DTNB: variants seen among roughly 807,000 people sequenced by gnomAD.
DTNB encodes DTN-B.
DTNB carries 63 observed loss-of-function variants against 90.7 expected under a neutral mutation model. The ratio of observed to expected loss-of-function variants is 0.69; its 90% CI spans 0.57 to 0.86. The LOEUF is 0.86. Ranked by LOEUF, DTNB falls within the 40% of genes least tolerant of loss-of-function variation. The pLI, the probability that DTNB is intolerant of heterozygous loss-of-function variation, is 0.00. For synonymous variants in DTNB, 277 were observed against 286.7 expected (o/e 0.97, Z 0.34); for missense variants, 744 against 807.1 (o/e 0.92, Z 0.95).
intron 12 of DTNB, among the ~76,000 whole-genome samples, chr2:25,450,280 C>A (rs1001901218): frequency 2.0e-5 from 3 of 149,110 alleles, no homozygotes; most frequent in Non-Finnish European, 4.5e-5. Context: ...GTTGTTCCAA[C>A]AGCATTTGTT....
chr2:25,617,462 C>G (rs1044476429), intron 4 of DTNB, among the ~76,000 whole-genome samples: 1 of 152,112 alleles, frequency 6.6e-6, no homozygotes, highest in African/African-American at 2.4e-5. Context: ...CTTCCCCATT[C>G]AAATCACTTT....
chr2:25,669,242 A>C (rs1367385930), intron 1 of DTNB, among the ~76,000 whole-genome samples: 2 of 152,202 alleles, frequency 1.3e-5, no homozygotes, highest in Non-Finnish European at 2.9e-5. Context: ...AGAACTGTAC[A>C]CTTACAATGG....
intron 9 of DTNB, among the ~76,000 whole-genome samples, chr2:25,507,355 C>T (rs141204535): frequency 6.6e-6 from 1 of 152,252 alleles, no homozygotes; most frequent in African/African-American, 2.4e-5. Context: ...TACACACCCC[C>T]ACTCCAGACA....
chr2:25,630,953 A>C (rs1381840807), intron 3 of DTNB, among the ~76,000 whole-genome samples: 2 of 152,170 alleles, frequency 1.3e-5, no homozygotes, highest in African/African-American at 2.4e-5. Flanking sequence ...GTTAAAAATA[A>C]AAGATACCAA....
intron 20 of DTNB, among the ~76,000 whole-genome samples, chr2:25,378,833 CAT>C (rs1231801998): frequency 6.6e-6 from 1 of 152,192 alleles, no homozygotes; most frequent in African/African-American, 2.4e-5. Flanking sequence ...GCATGAATCA[CAT>C]GTCTGTGGGT....
intron 4 of DTNB, 145 bp downstream of exon 4, chr2:25,628,025 CG>C (rs1573652050): frequency 1.2e-6 from 1 of 840,154 alleles, no homozygotes; most frequent in Non-Finnish European, 1.8e-6. Flanking sequence ...TGTGAGCTAC[CG>C]TGCCCAGCCA....
At chr2:25,615,128 C>A (rs942717005) in intron 4 of DTNB, among the ~76,000 whole-genome samples, 17 of 152,100 alleles carry the variant, frequency 1.1e-4, no homozygotes, top group Admixed American at 2.0e-4. Context: ...TATTTAACCA[C>A]TTATTTATGA....
At chr2:25,601,135 G>A (rs939038301) in intron 5 of DTNB, among the ~76,000 whole-genome samples, 1 of 152,098 alleles carries the variant, frequency 6.6e-6, no homozygotes, top group African/African-American at 2.4e-5. Context: ...CTAAGTTATT[G>A]TGATTTACCT....
intron 9 of DTNB, among the ~76,000 whole-genome samples, chr2:25,509,428 C>T (rs1558815393): frequency 1.3e-5 from 2 of 152,192 alleles, no homozygotes; most frequent in South Asian, 4.1e-4. Flanking sequence ...TCGAAACATA[C>T]CCTTTACAAA....
chr2:25,435,098 C>A (rs1393599041), intron 12 of DTNB, among the ~76,000 whole-genome samples: 1 of 152,164 alleles, frequency 6.6e-6, no homozygotes, highest in Non-Finnish European at 1.5e-5. Context: ...TAGTTCACTG[C>A]AACCTCTGCC....
In DTNB at chr2:25,518,162, C is replaced by G. The variant is rs528489528; in HGVS notation, c.1001+13311G>C. On this transcript the variant is annotated intron_variant, in intron 9 of 20. Coordinates refer to ENST00000406818, the MANE Select transcript of DTNB (RefSeq NM_021907.5). ...CATTACTGAACTGTACGCTTAAAAACCGTACACTTAAAAGAATTAAGATAG... is the reference window on the plus strand; with the variant it reads ...CATTACTGAACTGTACGCTTAAAAAGCGTACACTTAAAAGAATTAAGATAG... Among the ~76,000 whole-genome samples, 6 of 152,058 alleles carry G rather than the reference C, an allele frequency of 3.9e-5. No individual in the cohort carries two copies. The East Asian group carries it at 1.2e-3, about 29-fold the overall frequency.
At chr2:25,403,655 T>C (rs1286354802) in intron 16 of DTNB, among the ~76,000 whole-genome samples, 1 of 152,210 alleles carries the variant, frequency 6.6e-6, no homozygotes. Flanking sequence ...ATGAGTCTAA[T>C]TTAAATGTTA....
At chr2:25,587,732 AACTAG>A (rs1333843723) in intron 6 of DTNB, among the ~76,000 whole-genome samples, 1 of 152,168 alleles carries the variant, frequency 6.6e-6, no homozygotes. Context: ...TCACAGGCCC[AACTAG>A]AATAAAATCT....
intron 9 of DTNB, among the ~76,000 whole-genome samples, chr2:25,496,937 C>A (rs1404352370): frequency 4.0e-5 from 6 of 151,870 alleles, no homozygotes; most frequent in African/African-American, 1.4e-4. Flanking sequence ...AAAATAAACA[C>A]AATCATCATT....
intron 9 of DTNB, among the ~76,000 whole-genome samples, chr2:25,510,674 A>C (rs1048355664): frequency 6.6e-6 from 1 of 151,950 alleles, no homozygotes; most frequent in African/African-American, 2.4e-5. Flanking sequence ...CACCCAGCTA[A>C]TTTTTGTATT....
intron 15 of DTNB, among the ~76,000 whole-genome samples, chr2:25,422,222 G>T (rs865797066): frequency 6.6e-6 from 1 of 152,016 alleles, no homozygotes; most frequent in South Asian, 2.1e-4. Flanking sequence ...CTAAAAACAT[G>T]TGAGTCTCTT....
At chr2:25,427,701 T>A (rs933184653) in intron 14 of DTNB, 70 bp from the exon 15 acceptor site, 1 of 1,454,098 alleles carries the variant, frequency 6.9e-7, no homozygotes, top group Middle Eastern at 1.7e-4. Flanking sequence ...GTGAAATGGA[T>A]TTCAGACCTG....
intron 8 of DTNB, among the ~76,000 whole-genome samples, chr2:25,554,678 G>C (rs1002840300): frequency 1.3e-5 from 2 of 152,128 alleles, no homozygotes; most frequent in Non-Finnish European, 2.9e-5. Context: ...TCAATCAATA[G>C]GAGGATAACA....
At chr2:25,632,385 C>T (rs2148756366) in intron 3 of DTNB, among the ~76,000 whole-genome samples, 1 of 152,170 alleles carries the variant, frequency 6.6e-6, no homozygotes, top group South Asian at 2.1e-4. Flanking sequence ...TATCAGGAAA[C>T]TTTCTTAATC....
Sources: gnomAD v4.1 joint callset for allele counts (sites outside exome capture counted in the v4.1 genomes callset) on GRCh38, gnomAD v4.1.1 for gene constraint, MANE v1.5 for transcripts, NCBI Gene and HGNC (gene_info 2026-07-23, HGNC 2026-07-21) for gene names.